ZMYND12: variants seen among roughly 807,000 people sequenced by gnomAD.
ZMYND12 encodes zinc finger MYND domain-containing protein 12.
ZMYND12 carries 32 observed loss-of-function variants against 41.7 expected under a neutral mutation model. That is an observed-to-expected ratio of 0.77 (90% CI 0.58 to 1.03). The LOEUF is 1.03. ZMYND12 is among the 50% of genes least tolerant of loss of function. The pLI is 0.00. For missense variants in ZMYND12, 424 were observed against 438.5 expected (o/e 0.97, Z 0.30); for synonymous variants, 148 against 164.8 (o/e 0.90, Z 0.78).
At chr1:42,447,917 T>C (rs1643040463) in intron 3 of ZMYND12, among the ~76,000 whole-genome samples, 1 of 152,126 alleles carries the variant, frequency 6.6e-6, no homozygotes, top group Non-Finnish European at 1.5e-5. Flanking sequence ...GGAATAAAGG[T>C]GGATTCCACA....
intron 7 of ZMYND12, 57 bp downstream of exon 7, chr1:42,433,086 C>G (rs1642871002): frequency 6.3e-7 from 1 of 1,598,454 alleles, no homozygotes; most frequent in Admixed American, 1.8e-5. Flanking sequence ...ATTTTGAGTT[C>G]AACTAGTTGA....
chr1:42,452,577 C>T (rs1288615470), intron 1 of ZMYND12, among the ~76,000 whole-genome samples: 4 of 152,080 alleles, frequency 2.6e-5, no homozygotes, highest in Admixed American at 2.6e-4. Context: ...GTGGCGCATC[C>T]CTGTAATCCC....
intron 3 of ZMYND12, among the ~76,000 whole-genome samples, chr1:42,444,450 G>A (rs763424854): frequency 1.3e-5 from 2 of 152,202 alleles, no homozygotes; most frequent in African/African-American, 2.4e-5. Context: ...CAATGACTGT[G>A]AAGTTACAGT....
chr1:42,439,977 C>T lies in ZMYND12; in HGVS notation c.473G>A (p.Trp158Ter). Residue 158 changes from tryptophan (W) to a stop codon, truncating the protein, a stop_gained, in exon 4 of 8, where the codon TGG (tryptophan) becomes TAG (stop). Coordinates refer to ENST00000372565, the MANE Select transcript of ZMYND12 (RefSeq NM_032257.5). LOFTEE classifies it high-confidence loss of function. The part of the protein sequence containing the change: ...QAEEYLFQAQ[W>*]TVLKSTDCSN... ...ACAGTCAGTTGATTTGAGGACTGTC[C>T]ACTGGGCTTGGAATAGATATTCTTC... is the stretch of plus-strand genomic sequence containing the variant. The T allele has an allele frequency of 6.2e-7, 1 of 1,613,798 alleles. No homozygotes were observed. The highest frequency in any genetic ancestry group is 8.5e-7 in the Non-Finnish European group (1 of 1,179,962).
chr1:42,437,440 C>CTGTGTGTGTGTGTGTGTG (rs113850227), intron 4 of ZMYND12, among the ~76,000 whole-genome samples: 192 of 144,498 alleles, frequency 1.3e-3, no homozygotes, highest in Non-Finnish European at 1.7e-3. Context: ...CAATAAAGCT[C>CTGTGTGTGTGTGTGTGTG]TGTGTGTGTG....
At position 42,444,026 on chromosome 1, in the gene ZMYND12, C is replaced by T. The variant is rs184047426; in HGVS notation, c.425-4001G>A. Among the ~76,000 whole-genome samples, 134 of 152,200 alleles carry T rather than the reference C, an allele frequency of 8.8e-4. 1 individual carries two copies. The Middle Eastern group carries it at 0.01, about 12-fold the overall frequency. On this transcript the variant is annotated intron_variant, in intron 3 of 7. Coordinates refer to ENST00000372565, the MANE Select transcript of ZMYND12 (RefSeq NM_032257.5). Reference sequence around the variant, plus strand: ...TACTATAAGTGCATGCCACCATGACCGCCTAATTTTTTTGTTTTAAGAGAT... The same window carrying T: ...TACTATAAGTGCATGCCACCATGACTGCCTAATTTTTTTGTTTTAAGAGAT...
intron 5 of ZMYND12, among the ~76,000 whole-genome samples, chr1:42,436,088 G>A (rs1042127586): frequency 2.6e-5 from 4 of 152,172 alleles, no homozygotes; most frequent in African/African-American, 2.4e-5. Flanking sequence ...CTTCTCTATC[G>A]CACACTTCAA....
intron 1 of ZMYND12, among the ~76,000 whole-genome samples, chr1:42,451,036 A>C (rs1469231068): frequency 1.3e-5 from 2 of 152,240 alleles, no homozygotes; most frequent in African/African-American, 2.4e-5. Flanking sequence ...GCACTAGAGA[A>C]GAATAGGCAT....
At chr1:42,449,878 G>T in intron 2 of ZMYND12, 40 bp downstream of exon 2, 3 of 1,601,732 alleles carry the variant, frequency 1.9e-6, no homozygotes, top group Non-Finnish European at 2.5e-6. Flanking sequence ...CAGCTTCACC[G>T]CACCTACGAC....
At chr1:42,436,565 G>C (rs762337785) in intron 4 of ZMYND12, 22 bp from the exon 5 acceptor site, 23 of 1,610,942 alleles carry the variant, frequency 1.4e-5, no homozygotes, top group Admixed American at 5.0e-5. Context: ...GGAAGAAGGA[G>C]AGTGCTTGAG....
intron 4 of ZMYND12, among the ~76,000 whole-genome samples, chr1:42,437,912 G>A (rs949534415): frequency 5.3e-5 from 8 of 152,170 alleles, no homozygotes; most frequent in African/African-American, 1.9e-4. Context: ...CTGACCTCTG[G>A]TGATCCGCCC....
chr1:42,454,958 C>T (rs535774944), intron 1 of ZMYND12, among the ~76,000 whole-genome samples: 2 of 152,312 alleles, frequency 1.3e-5, no homozygotes, highest in Non-Finnish European at 1.5e-5. Context: ...TTTTAAGAAA[C>T]AATTCAGGTA....
chr1:42,448,723 C>T (rs1400773443), intron 2 of ZMYND12, 85 bp from the exon 3 acceptor site: 2 of 1,346,282 alleles, frequency 1.5e-6, no homozygotes, highest in Non-Finnish European at 2.0e-6. Flanking sequence ...ATAAGGCCAA[C>T]ACCTAATGAC....
Position 42,436,509 on chromosome 1 carries a change from T to C in ZMYND12, c.629A>G (p.Asp210Gly). ...YFASCAFGTE[D>G]IRTSGGYFHL... Reference sequence around the variant, plus strand: ...GAAGTAGCCTCCTGAAGTCCTAATGTCCTCTGTTCCAAATGCACAACTGGC... The same window carrying C: ...GAAGTAGCCTCCTGAAGTCCTAATGCCCTCTGTTCCAAATGCACAACTGGC... The change falls in exon 5 of 8, where the codon GAC (aspartate) becomes GGC (glycine). Residue 210 changes from aspartate (D) to glycine (G), a missense_variant. Physicochemically the swap from Asp to Gly is moderately conservative, Grantham distance 94 (BLOSUM62 -1). Coordinates refer to ENST00000372565, the MANE Select transcript of ZMYND12 (RefSeq NM_032257.5). 2 of 1,613,644 alleles carry C rather than the reference T, an allele frequency of 1.2e-6. No homozygotes were observed. Among genetic ancestry groups the C allele is most frequent in the Non-Finnish European group, 1.7e-6 (2 of 1,179,604 alleles).
In ZMYND12 at chr1:42,448,559, G is replaced by A; in HGVS notation, c.332C>T (p.Ala111Val). 3 of 1,613,898 alleles carry A rather than the reference G, an allele frequency of 1.9e-6. No individual in the cohort carries two copies. Among genetic ancestry groups the A allele is most frequent in the Non-Finnish European group, 2.5e-6 (3 of 1,179,886 alleles). ...CACACGGAAGCGAAGGGACTGCAAA[G>A]CTGCTGGTACAGCATCTTCGTGTTT... ...EGKHEDAVPA[A>V]LQSLRFRVKL... The change falls in exon 3 of 8, where the codon GCT becomes GTT. Residue 111 changes from alanine to valine, a missense_variant. Coordinates refer to ENST00000372565, the MANE Select transcript of ZMYND12 (RefSeq NM_032257.5).
chr1:42,451,586 C>A (rs1302721090), intron 1 of ZMYND12, among the ~76,000 whole-genome samples: 3 of 152,138 alleles, frequency 2.0e-5, no homozygotes, highest in Non-Finnish European at 4.4e-5. Context: ...CAGCCACAGA[C>A]AATATATAGC....
chr1:42,440,033 A>G lies in ZMYND12; in HGVS notation c.425-8T>C. On this transcript the variant is annotated splice_polypyrimidine_tract_variant and splice_region_variant and intron_variant, in intron 3 of 7. Coordinates refer to ENST00000372565, the MANE Select transcript of ZMYND12 (RefSeq NM_032257.5). Reference sequence around the variant, plus strand: ...GAACGATTCGGCCCAGACCTGCCCAAAAGCAGAAAAGAAGGTTATAATTCA... The same window carrying G: ...GAACGATTCGGCCCAGACCTGCCCAGAAGCAGAAAAGAAGGTTATAATTCA... 6.3e-7 allele frequency: 1 copy of G among 1,588,266 alleles called. No individual in the cohort carries two copies. Among genetic ancestry groups the G allele is most frequent in the South Asian group, 1.2e-5 (1 of 86,400 alleles).
intron 4 of ZMYND12, among the ~76,000 whole-genome samples, chr1:42,438,797 C>T (rs1330531829): frequency 2.0e-5 from 3 of 152,168 alleles, no homozygotes; most frequent in Non-Finnish European, 4.4e-5. Flanking sequence ...CTGCTTGGTG[C>T]AGAGGCCAGA....
At chr1:42,447,104 A>G (rs1299316208) in intron 3 of ZMYND12, among the ~76,000 whole-genome samples, 1 of 152,282 alleles carries the variant, frequency 6.6e-6, no homozygotes, top group East Asian at 1.9e-4. Context: ...CGTATCCATG[A>G]AATGAAAATT....
Sources: gnomAD v4.1 joint callset for allele counts (sites outside exome capture counted in the v4.1 genomes callset) on GRCh38, gnomAD v4.1.1 for gene constraint, MANE v1.5 for transcripts, NCBI Gene and HGNC (gene_info 2026-07-23, HGNC 2026-07-21) for gene names.